The following SCAPER variants were observed in gnomAD, a reference collection of about 807,000 sequenced individuals.
SCAPER encodes S phase cyclin A-associated protein in the endoplasmic reticulum.
A neutral mutation model predicts 182.2 loss-of-function variants in SCAPER; 98 were observed. That is an observed-to-expected ratio of 0.54 (90% CI 0.46 to 0.64). SCAPER has a LOEUF of 0.64. Among genes scored for constraint, SCAPER ranks in the 30% least tolerant of loss-of-function variants. SCAPER has a pLI of 0.00. For missense variants in SCAPER, 1,432 were observed against 1,690.0 expected (o/e 0.85, Z 2.68); for synonymous variants, 605 against 564.6 (o/e 1.07, Z -1.01).
Position 76,621,786 on chromosome 15 carries a change from A to G in SCAPER, c.2689T>C (p.Ser897Pro). The G allele has an allele frequency of 1.2e-6, 2 of 1,608,252 alleles. No individual in the cohort carries two copies. Among genetic ancestry groups the G allele is most frequent in the Non-Finnish European group, 1.7e-6 (2 of 1,177,248 alleles). Residue 897 changes from serine to proline, a missense_variant, in exon 22 of 32, where the codon TCT becomes CCT. Ser to Pro is a moderately conservative substitution (Grantham distance 74, BLOSUM62 -1). Coordinates refer to ENST00000563290, the MANE Select transcript of SCAPER (RefSeq NM_020843.4). ...ESLMETKNSG[S>P]DSPYKAKLQR... is the part of the protein sequence containing the mutation. Reference sequence around the variant, plus strand: ...CACTTTGCTTTATAAGGTGAATCAGAGCCAGAATTTTTGGTTTCCATTAAA... The same window carrying G: ...CACTTTGCTTTATAAGGTGAATCAGGGCCAGAATTTTTGGTTTCCATTAAA...
chr15:76,903,060 C>A (rs1383674806), intron 1 of SCAPER, among the ~76,000 whole-genome samples: 125 of 137,836 alleles, frequency 9.1e-4, no homozygotes, highest in African/African-American at 1.5e-3. Flanking sequence ...GACTCGGTTT[C>A]AAAAAAAAAA....
At chr15:76,641,472 C>T (rs978874497) in intron 21 of SCAPER, among the ~76,000 whole-genome samples, 1 of 152,022 alleles carries the variant, frequency 6.6e-6, no homozygotes, top group African/African-American at 2.4e-5. Flanking sequence ...AGGCGATGAC[C>T]CCCTGGACCC....
chr15:76,774,814 C>A (rs2151335342), intron 9 of SCAPER, 41 bp downstream of exon 9: 1 of 1,566,452 alleles, frequency 6.4e-7, no homozygotes, highest in East Asian at 2.2e-5. Context: ...TACACATACA[C>A]CTTTGAAAAA....
chr15:76,862,511 C>G lies in SCAPER; in HGVS notation c.29G>C (p.Ser10Thr). ...AACTATTCTCCTTACTTTGTCATGACTATTGGAGCGCTGGAATGAAGCCTA... is the reference window on the plus strand; with the variant it reads ...AACTATTCTCCTTACTTTGTCATGAGTATTGGAGCGCTGGAATGAAGCCTA... MMASFQRSNSHDKVRRIVAE... is the reference protein window; with the variant it reads MMASFQRSNTHDKVRRIVAE... Residue 10 changes from serine (S) to threonine (T), a missense_variant, in exon 3 of 32, where the codon AGT becomes ACT. Coordinates refer to ENST00000563290, the MANE Select transcript of SCAPER (RefSeq NM_020843.4). 6.2e-7 allele frequency: 1 copy of G among 1,612,238 alleles called. No homozygotes were observed. The highest frequency in any genetic ancestry group is 8.5e-7 in the Non-Finnish European group (1 of 1,178,856).
intron 7 of SCAPER, chr15:76,797,625 AACAG>A (rs2065424438): frequency 6.6e-6 from 1 of 152,236 alleles, no homozygotes; most frequent in African/African-American, 2.4e-5. Flanking sequence ...AGTATGTCCC[AACAG>A]ACAGACAGAA....
At chr15:76,566,849 C>G (rs1169422572) in intron 23 of SCAPER, among the ~76,000 whole-genome samples, 1 of 151,822 alleles carries the variant, frequency 6.6e-6, no homozygotes, top group Non-Finnish European at 1.5e-5. Flanking sequence ...TAAACATAAA[C>G]ATACAGAAAA....
At chr15:76,662,509 T>C (rs1255001852) in intron 21 of SCAPER, among the ~76,000 whole-genome samples, 3 of 152,208 alleles carry the variant, frequency 2.0e-5, no homozygotes, top group Non-Finnish European at 2.9e-5. Flanking sequence ...TACAAAGCTA[T>C]AGAAATCAAG....
Position 76,600,387 on chromosome 15 carries a change from ATGTGTGTGTGTGTGTGTGTGTG to A in SCAPER, c.2711+21355_2711+21376del, listed in dbSNP as rs60494575. Among the ~76,000 whole-genome samples, 9 of 88,662 alleles carry A rather than the reference ATGTGTGTGTGTGTGTGTGTGTG, an allele frequency of 1.0e-4. 1 individual carries two copies. The highest frequency in any genetic ancestry group is 1.9e-4 in the African/African-American group (6 of 32,242). 58.2% of individuals were successfully genotyped at this position (88,662 alleles called of 152,430 possible). On this transcript the variant is annotated intron_variant, in intron 22 of 31. Coordinates refer to ENST00000563290, the MANE Select transcript of SCAPER (RefSeq NM_020843.4). ...TAGCATACTTGGAAAGTGTGTGTAT[ATGTGTGTGTGTGTGTGTGTGTG>A]TGTGTGTGTGTGTGTGTGTGTATAC...
intron 2 of SCAPER, among the ~76,000 whole-genome samples, chr15:76,864,641 G>C (rs139012860): frequency 2.1e-3 from 314 of 151,964 alleles, no homozygotes; most frequent in African/African-American, 7.4e-3. Flanking sequence ...AGTCACTATA[G>C]TACACTCTAG....
At chr15:76,578,030 C>T (rs2047980615) in intron 22 of SCAPER, among the ~76,000 whole-genome samples, 1 of 151,892 alleles carries the variant, frequency 6.6e-6, no homozygotes, top group Non-Finnish European at 1.5e-5. Context: ...ATGAAGAGCC[C>T]TTGGGCCTTG....
chr15:76,591,924 G>T (rs902669464), intron 22 of SCAPER, among the ~76,000 whole-genome samples: 2 of 152,126 alleles, frequency 1.3e-5, no homozygotes, highest in Non-Finnish European at 2.9e-5. Flanking sequence ...TCCAGACAGG[G>T]TGGCGCATGC....
intron 25 of SCAPER, among the ~76,000 whole-genome samples, chr15:76,451,863 AAG>A (rs2048386010): frequency 6.6e-6 from 1 of 152,202 alleles, no homozygotes; most frequent in Non-Finnish European, 1.5e-5. Context: ...ACTGGGATGT[AAG>A]CTTAAAGAGG....
chr15:76,757,982 T>C (rs977196871), intron 14 of SCAPER, among the ~76,000 whole-genome samples: 3 of 152,170 alleles, frequency 2.0e-5, no homozygotes, highest in African/African-American at 7.2e-5. Context: ...GTGTGAGTAC[T>C]TCAAATATTT....
At chr15:76,525,611 C>G (rs1018029138) in intron 23 of SCAPER, among the ~76,000 whole-genome samples, 5 of 152,108 alleles carry the variant, frequency 3.3e-5, no homozygotes, top group Admixed American at 2.0e-4. Flanking sequence ...TCAGTGAGAA[C>G]ATGTGGTATT....
intron 21 of SCAPER, among the ~76,000 whole-genome samples, chr15:76,649,589 T>C (rs2054845614): frequency 6.7e-6 from 1 of 150,362 alleles, no homozygotes. Context: ...TATTTATATT[T>C]TTTACATATA....
chr15:76,485,940 G>T (rs2051598312), intron 24 of SCAPER, among the ~76,000 whole-genome samples: 1 of 152,158 alleles, frequency 6.6e-6, no homozygotes, highest in African/African-American at 2.4e-5. Flanking sequence ...GGGTGCAGTG[G>T]CTCATGCCTG....
At chr15:76,366,020 A>G (rs546781921) in intron 29 of SCAPER, among the ~76,000 whole-genome samples, 8 of 152,222 alleles carry the variant, frequency 5.3e-5, no homozygotes, top group Admixed American at 2.6e-4. Flanking sequence ...CAAATTCTCA[A>G]TGAGTACCTA....
chr15:76,394,276 A>C (rs1474274833), intron 27 of SCAPER, among the ~76,000 whole-genome samples: 3 of 152,188 alleles, frequency 2.0e-5, no homozygotes, highest in African/African-American at 7.2e-5. Flanking sequence ...CAACAACTCA[A>C]GCTCCCCTTA....
chr15:76,834,113 A>C (rs2068739078), intron 5 of SCAPER, among the ~76,000 whole-genome samples: 1 of 152,200 alleles, frequency 6.6e-6, no homozygotes, highest in South Asian at 2.1e-4. Flanking sequence ...GCCATAAAGC[A>C]ATTTTCAACA....
Sources: allele counts gnomAD v4.1 joint callset (sites outside exome capture counted in the v4.1 genomes callset), GRCh38; gene constraint gnomAD v4.1.1; transcripts MANE v1.5; gene names NCBI Gene and HGNC (gene_info 2026-07-23, HGNC 2026-07-21).